The following DNAAF19 variants were observed in gnomAD, a reference collection of about 807,000 sequenced individuals.
The protein encoded by DNAAF19 is dynein axonemal assembly factor 19.
At chr17:44,904,877 G>A in the DNAAF19 span, 2 of 1,550,666 alleles carry the variant, frequency 1.3e-6, no homozygotes, top group Non-Finnish European at 1.7e-6. Flanking sequence ...GAGGCAGGGT[G>A]TGCTAGTTGC....
the DNAAF19 span, among the ~76,000 whole-genome samples, chr17:44,900,266 A>G: frequency 7.2e-6 from 1 of 138,874 alleles, no homozygotes; most frequent in South Asian, 2.4e-4. Context: ...ACTGCACTCC[A>G]GCCTGGGCAA....
chr17:44,900,944 C>T, the DNAAF19 span: 1 of 1,518,876 alleles, frequency 6.6e-7, no homozygotes, highest in South Asian at 1.3e-5. Flanking sequence ...CCCTCTTTCC[C>T]CTGATATTGA....
the DNAAF19 span, chr17:44,901,009 A>G: frequency 3.1e-6 from 5 of 1,604,942 alleles, no homozygotes; most frequent in Non-Finnish European, 4.2e-6. Context: ...ATGGAAAGGA[A>G]TGACATCATC....
At chr17:44,901,392 C>T in the DNAAF19 span, 20 of 1,178,874 alleles carry the variant, frequency 1.7e-5, no homozygotes, top group African/African-American at 7.7e-5. Flanking sequence ...AGTCAGCTAT[C>T]GCTGTTGTTA....
chr17:44,901,639 C>G, the DNAAF19 span: 1 of 1,614,180 alleles, frequency 6.2e-7, no homozygotes, highest in Non-Finnish European at 8.5e-7. Flanking sequence ...GATGTGGCCA[C>G]TGAAATCTCC....
At chr17:44,900,941 T>C in the DNAAF19 span, 1 of 1,512,148 alleles carries the variant, frequency 6.6e-7, no homozygotes, top group Admixed American at 2.4e-5. Flanking sequence ...GTACCCTCTT[T>C]CCCCTGATAT....
the DNAAF19 span, chr17:44,901,490 C>T: frequency 6.2e-7 from 1 of 1,613,428 alleles, no homozygotes; most frequent in Admixed American, 1.7e-5. Context: ...GCATTAAGTC[C>T]ATTGCCTAAT....
At chr17:44,903,697 T>G in the DNAAF19 span, 1 of 1,438,756 alleles carries the variant, frequency 7.0e-7, no homozygotes, top group Non-Finnish European at 9.1e-7. Flanking sequence ...CTCTGCAGAT[T>G]GTTGCTGCTT....
the DNAAF19 span, among the ~76,000 whole-genome samples, chr17:44,900,213 T>G: frequency 1.3e-5 from 2 of 151,812 alleles, no homozygotes; most frequent in East Asian, 1.9e-4. Context: ...CGAAAATTGC[T>G]TGAACCCCGG....
the DNAAF19 span, chr17:44,900,892 G>A: frequency 8.4e-7 from 1 of 1,190,348 alleles, no homozygotes; most frequent in South Asian, 1.6e-5. Flanking sequence ...TGTCCAGAGT[G>A]CTTTGGGGTC....
the DNAAF19 span, chr17:44,904,007 G>A: frequency 6.4e-7 from 1 of 1,550,638 alleles, no homozygotes; most frequent in East Asian, 2.4e-5. Flanking sequence ...ACCCGAAGAG[G>A]TGCCAGCTGT....
At chr17:44,903,503 G>A in the DNAAF19 span, 30 of 1,280,534 alleles carry the variant, frequency 2.3e-5, no homozygotes, top group Middle Eastern at 3.0e-4. Context: ...CGAGCACCTC[G>A]GCCCGCCCTT....
the DNAAF19 span, chr17:44,903,146 C>T: frequency 4.7e-6 from 6 of 1,268,814 alleles, no homozygotes; most frequent in Non-Finnish European, 5.9e-6. Flanking sequence ...ATACCAGTTA[C>T]AGCCTCCACT....
At chr17:44,901,179 T>C in the DNAAF19 span, 2 of 1,595,664 alleles carry the variant, frequency 1.3e-6, no homozygotes, top group Admixed American at 1.9e-5. Flanking sequence ...CCTCCTGTTA[T>C]GGTGGATTAT....
the DNAAF19 span, among the ~76,000 whole-genome samples, chr17:44,900,515 TCTC>T: frequency 7.2e-5 from 11 of 151,936 alleles, no homozygotes; most frequent in Admixed American, 1.3e-4. Context: ...TGGGTGAAAG[TCTC>T]CTTCCTCATT....
chr17:44,900,218 C>G, the DNAAF19 span, among the ~76,000 whole-genome samples: 1 of 151,800 alleles, frequency 6.6e-6, no homozygotes, highest in Non-Finnish European at 1.5e-5. Flanking sequence ...ATTGCTTGAA[C>G]CCCGGAGGCA....
chr17:44,903,259 C>G, the DNAAF19 span: 1 of 1,250,480 alleles, frequency 8.0e-7, no homozygotes, highest in African/African-American at 1.5e-5. Context: ...GACATGTAAT[C>G]AACAAATGAT....
chr17:44,900,081 T>G, the DNAAF19 span, among the ~76,000 whole-genome samples: 1 of 151,612 alleles, frequency 6.6e-6, no homozygotes, highest in African/African-American at 2.4e-5. Context: ...TTCAGAGAGG[T>G]CCCACAAGTA....
At chr17:44,902,434 G>A in the DNAAF19 span, 4 of 1,614,232 alleles carry the variant, frequency 2.5e-6, no homozygotes, top group Non-Finnish European at 3.4e-6. Context: ...CTTGCCAAGT[G>A]GGCCAGAGCG....
Sources: allele counts gnomAD v4.1 joint callset (sites outside exome capture counted in the v4.1 genomes callset), GRCh38; gene constraint gnomAD v4.1.1; transcripts MANE v1.5; gene names NCBI Gene and HGNC (gene_info 2026-07-23, HGNC 2026-07-21).